The following COL13A1 variants were observed in gnomAD, a reference collection of about 807,000 sequenced individuals.
COL13A1 encodes the protein collagen type XIII alpha 1 chain, also known as collagen alpha-1(XIII) chain.
COL13A1 carries 89 observed loss-of-function variants against 130.9 expected under a neutral mutation model. The observed-to-expected ratio is 0.68, with a 90% CI of 0.57 to 0.81. The LOEUF is 0.81. Among genes scored for constraint, COL13A1 ranks in the 30% least tolerant of loss-of-function variants. COL13A1 has a pLI of 0.00. For synonymous variants in COL13A1, 402 were observed against 341.6 expected, an observed-to-expected ratio of 1.18 and a Z score of -1.95; for missense variants, 879 against 934.6, an observed-to-expected ratio of 0.94 and a Z score of 0.78.
At chr10:69,811,471 G>C (rs894531136) in intron 1 of COL13A1, among the ~76,000 whole-genome samples, 1 of 152,202 alleles carries the variant, frequency 6.6e-6, no homozygotes, top group Non-Finnish European at 1.5e-5. Flanking sequence ...TGGGTTAAAG[G>C]GGCATTTGCC....
intron 38 of COL13A1, among the ~76,000 whole-genome samples, chr10:69,952,614 T>A (rs1489131647): frequency 6.6e-6 from 1 of 152,122 alleles, no homozygotes; most frequent in Non-Finnish European, 1.5e-5. Flanking sequence ...CACCAAAATC[T>A]TCAGTCTGTG....
chr10:69,930,234 C>A, intron 29 of COL13A1, 147 bp downstream of exon 29: 1 of 1,070,358 alleles, frequency 9.3e-7, no homozygotes, highest in Non-Finnish European at 1.4e-6. Flanking sequence ...GAGAGGGGCC[C>A]ACCCTGCAAG....
In COL13A1 at chr10:69,923,204, C is replaced by G. The variant is rs117082998; in HGVS notation, c.1230+410C>G. 3.9e-5 allele frequency among the ~76,000 whole-genome samples: 6 copies of G among 152,312 alleles called. No homozygotes were observed. The East Asian group carries it at 1.2e-3, about 29-fold the overall frequency. On this transcript the variant is annotated intron_variant, in intron 23 of 40. Coordinates refer to ENST00000645393, the MANE Select transcript of COL13A1 (RefSeq NM_001368882.1). The stretch of plus-strand genomic sequence containing the variant: ...CTTAGGACAGGCAAGAGGCCCCCCA[C>G]CTTGGCTCTGAGTAGGTTGCAGGTC...
At chr10:69,875,006 C>A in intron 4 of COL13A1, 122 bp from the exon 5 acceptor site, 3 of 1,151,768 alleles carry the variant, frequency 2.6e-6, no homozygotes, top group South Asian at 2.7e-5. Context: ...TACGGGATGT[C>A]GTCCCCGCTG....
rs1386460273 is a variant in COL13A1, at chr10:69,802,096, A to G, written c.-328A>G. 3.9e-6 allele frequency: 1 copy of G among 256,534 alleles called. No homozygotes were observed. The highest frequency in any genetic ancestry group is 7.3e-6 in the Non-Finnish European group (1 of 137,556). 15.9% of individuals were successfully genotyped at this position (256,534 alleles called of 1,614,324 possible). The stretch of plus-strand genomic sequence containing the variant: ...CAGAAGGACTGACAGCGCGGCACCA[A>G]CTGCTCTGCAGACACTTGAAGGGAA... On this transcript the variant is annotated 5_prime_UTR_variant, in exon 1 of 41. Coordinates refer to ENST00000645393, the MANE Select transcript of COL13A1 (RefSeq NM_001368882.1).
chr10:69,822,249 T>C, intron 1 of COL13A1, 120 bp from the exon 2 acceptor site: 1 of 666,328 alleles, frequency 1.5e-6, no homozygotes. Flanking sequence ...CTGTCTTTGA[T>C]CCAGGAAGAG....
intron 17 of COL13A1, among the ~76,000 whole-genome samples, chr10:69,906,877 C>T (rs1041672919): frequency 2.6e-5 from 4 of 152,054 alleles, no homozygotes; most frequent in African/African-American, 9.7e-5. Flanking sequence ...ACTACAGGTG[C>T]ACACCACCAT....
Position 69,823,620 on chromosome 10 carries a change from G to C in COL13A1, c.364+1182G>C, listed in dbSNP as rs920321908. ...GGGAAGAGAGGCTGACAGATGTTAAGCATATGGGAAACGAAGGACCGCATT... is the reference window on the plus strand; with the variant it reads ...GGGAAGAGAGGCTGACAGATGTTAACCATATGGGAAACGAAGGACCGCATT... On this transcript the variant is annotated intron_variant, in intron 2 of 40. Transcript: ENST00000645393. Among the ~76,000 whole-genome samples, 4 of 152,200 alleles carry C rather than the reference G, an allele frequency of 2.6e-5. No homozygotes were observed. In the South Asian group the frequency reaches 6.2e-4, roughly 24 times the overall value.
intron 37 of COL13A1, 124 bp from the exon 38 acceptor site, chr10:69,947,183 G>C (rs923103847): frequency 2.0e-5 from 17 of 835,592 alleles, no homozygotes; most frequent in Non-Finnish European, 3.4e-5. Context: ...CGTGTAGTGG[G>C]AATAACTAAA....
chr10:69,916,791 G>A (rs1335567552), intron 17 of COL13A1, among the ~76,000 whole-genome samples: 2 of 152,132 alleles, frequency 1.3e-5, no homozygotes, highest in African/African-American at 4.8e-5. Context: ...GGAAGGGAAA[G>A]GAACCCCAGA....
At position 69,889,421 on chromosome 10, in the gene COL13A1, C is replaced by T; in HGVS notation, c.584C>T (p.Pro195Leu). The part of the protein sequence containing the change: ...PIGLDGKPGH[P>L]GPKGDMGLTG... ...ACCCTCTTCTCCTTCCAGGGCCACC[C>T]AGGACCAAAGGGCGACATGGTAAGA... The change falls in exon 10 of 41, where the codon CCA (proline) becomes CTA (leucine). Residue 195 changes from proline (P) to leucine (L), a missense_variant. Physicochemically the swap from Pro to Leu is moderately conservative, Grantham distance 98. Transcript: ENST00000645393. The T allele has an allele frequency of 6.2e-7, 1 of 1,611,704 alleles. No individual in the cohort carries two copies. Among genetic ancestry groups the T allele is most frequent in the Non-Finnish European group, 8.5e-7 (1 of 1,179,102 alleles).
chr10:69,888,471 G>A (rs906061345), intron 9 of COL13A1, 141 bp downstream of exon 9: 2 of 1,223,380 alleles, frequency 1.6e-6, no homozygotes, highest in African/African-American at 1.5e-5. Flanking sequence ...AGTGGGAAGT[G>A]GAGGGGGCCA....
chr10:69,891,175 T>C (rs1183253866), intron 10 of COL13A1, among the ~76,000 whole-genome samples: 1 of 152,196 alleles, frequency 6.6e-6, no homozygotes, highest in East Asian at 1.9e-4. Context: ...TTTTAAATGA[T>C]CACTCACATA....
chr10:69,914,610 C>T (rs1029948332), intron 17 of COL13A1, among the ~76,000 whole-genome samples: 2 of 152,296 alleles, frequency 1.3e-5, no homozygotes, highest in Non-Finnish European at 2.9e-5. Context: ...ATGACGGGGG[C>T]CTCTGAATAG....
At chr10:69,894,738 A>G in intron 12 of COL13A1, 37 bp downstream of exon 12, 1 of 1,613,306 alleles carries the variant, frequency 6.2e-7, no homozygotes. Flanking sequence ...TCTCCATCTC[A>G]GGAAATGGCC....
intron 14 of COL13A1, among the ~76,000 whole-genome samples, chr10:69,902,482 C>T (rs948814576): frequency 2.0e-5 from 3 of 152,198 alleles, no homozygotes; most frequent in African/African-American, 7.2e-5. Flanking sequence ...TGCCCCCCCG[C>T]AGAATGTCTC....
intron 17 of COL13A1, among the ~76,000 whole-genome samples, chr10:69,916,120 G>A (rs1227613): frequency 6.6e-6 from 1 of 152,126 alleles, no homozygotes; most frequent in East Asian, 1.9e-4. Context: ...AAGGATGGAC[G>A]AGGACCTCCT....
chr10:69,863,975 G>T (rs187101621), intron 2 of COL13A1, among the ~76,000 whole-genome samples: 109 of 152,196 alleles, frequency 7.2e-4, no homozygotes, highest in African/African-American at 2.6e-3. Flanking sequence ...GGCTGAGGTG[G>T]GAAGATTGCC....
intron 2 of COL13A1, among the ~76,000 whole-genome samples, chr10:69,828,768 G>A (rs562097158): frequency 2.2e-4 from 34 of 152,296 alleles, no homozygotes; most frequent in South Asian, 1.5e-3. Context: ...GTGTATGCTC[G>A]ATGTACAATC....
Sources: allele counts gnomAD v4.1 joint callset (sites outside exome capture counted in the v4.1 genomes callset), GRCh38; gene constraint gnomAD v4.1.1; transcripts MANE v1.5; gene names NCBI Gene and HGNC (gene_info 2026-07-23, HGNC 2026-07-21).